Variants in LSAMP observed in about 807,000 individuals in gnomAD.
The protein encoded by LSAMP is limbic system-associated membrane protein.
A neutral mutation model predicts 38.6 loss-of-function variants in LSAMP; 7 were observed. The ratio of observed to expected loss-of-function variants is 0.18; its 90% confidence interval spans 0.10 to 0.34. The LOEUF is 0.34. Ranked by LOEUF, LSAMP falls within the 10% of genes least tolerant of loss-of-function variation. The pLI is 1.00. For missense variants in LSAMP, 313 were observed against 420.0 expected (o/e 0.75, Z 2.23); for synonymous variants, 154 against 166.8 (o/e 0.92, Z 0.59).
chr3:116,422,901 T>C (rs189698403), intron 1 of LSAMP, among the ~76,000 whole-genome samples: 25 of 152,340 alleles, frequency 1.6e-4, no homozygotes, highest in Admixed American at 1.6e-3. Flanking sequence ...AATCTGTTTA[T>C]TTTCAACTTT....
chr3:115,815,155 A>G (rs550259262), intron 6 of LSAMP, among the ~76,000 whole-genome samples: 16 of 152,228 alleles, frequency 1.1e-4, no homozygotes, highest in Non-Finnish European at 1.8e-4. Context: ...GAGAGAGAGA[A>G]AGAGAAAGAT....
intron 3 of LSAMP, among the ~76,000 whole-genome samples, chr3:115,914,283 C>T (rs1011691325): frequency 3.3e-5 from 5 of 152,184 alleles, no homozygotes; most frequent in Admixed American, 6.5e-5. Flanking sequence ...TCTTGCTAAG[C>T]CAGTTTAGAG....
At position 116,021,799 on chromosome 3, in the gene LSAMP, A is replaced by ATC. The variant is rs1420964896; in HGVS notation, c.389-2161_389-2160dup. ...CTACCTGTGGTGCAATTGACTCACA[A>ATC]TCTCTCTCTCTCGGTGTTTTTTTTT... On this transcript the variant is annotated intron_variant, in intron 2 of 6. Transcript: ENST00000490035. Among the ~76,000 whole-genome samples the ATC allele has an allele frequency of 4.1e-4, 62 of 151,838 alleles. No individual in the cohort carries two copies. In the East Asian group the frequency reaches 6.0e-3, roughly 15 times the overall value.
At chr3:116,026,614 C>G (rs1180621783) in intron 2 of LSAMP, among the ~76,000 whole-genome samples, 1 of 152,126 alleles carries the variant, frequency 6.6e-6, no homozygotes, top group Non-Finnish European at 1.5e-5. Context: ...GGGTACAAGA[C>G]CTAAGCTGGA....
chr3:116,154,780 G>A (rs1709702597), intron 1 of LSAMP, among the ~76,000 whole-genome samples: 1 of 152,030 alleles, frequency 6.6e-6, no homozygotes, highest in African/African-American at 2.4e-5. Flanking sequence ...AGCATTCTTT[G>A]AGGAATATGA....
chr3:116,207,341 G>A (rs150651494), intron 1 of LSAMP, among the ~76,000 whole-genome samples: 14,228 of 152,010 alleles, frequency 0.094, 935 homozygotes, highest in African/African-American at 0.19. Context: ...ACACTGATGG[G>A]TCTTGACTCT....
intron 3 of LSAMP, among the ~76,000 whole-genome samples, chr3:115,950,024 A>G (rs1011328789): frequency 2.0e-5 from 3 of 152,224 alleles, no homozygotes; most frequent in African/African-American, 7.2e-5. Context: ...AAAGCATTTG[A>G]CAAAATCCAG....
chr3:116,436,457 A>G (rs996281993), intron 1 of LSAMP, among the ~76,000 whole-genome samples: 4 of 152,238 alleles, frequency 2.6e-5, no homozygotes, highest in Non-Finnish European at 5.9e-5. Context: ...CATCTGACAA[A>G]GGACTGATAT....
At chr3:116,037,098 T>C (rs1941064450) in intron 2 of LSAMP, among the ~76,000 whole-genome samples, 2 of 152,164 alleles carry the variant, frequency 1.3e-5, no homozygotes, top group Non-Finnish European at 2.9e-5. Flanking sequence ...TTTCCCTTAC[T>C]GAAATACAAA....
chr3:115,810,285 G>A lies in LSAMP; in HGVS notation c.*32C>T. ...TATTCTGTGTGACGCATTTTTGTGT[G>A]TTTTTTAAATTATTTTTAAATTTTT... On this transcript the variant is annotated 3_prime_UTR_variant, in exon 7 of 7. Coordinates refer to ENST00000490035, the MANE Select transcript of LSAMP (RefSeq NM_002338.5). The A allele has an allele frequency of 7.0e-7, 1 of 1,436,906 alleles. No individual in the cohort carries two copies. Among genetic ancestry groups the A allele is most frequent in the East Asian group, 2.5e-5 (1 of 40,278 alleles). The allele number at this position is 1,436,906 out of a possible 1,614,324, so 89.0% of individuals were successfully genotyped here. A position where few individuals can be genotyped will look rare whatever the true frequency, so the allele number is the denominator to read the frequency against.
At chr3:116,082,700 G>C (rs1576352096) in intron 2 of LSAMP, among the ~76,000 whole-genome samples, 1 of 152,180 alleles carries the variant, frequency 6.6e-6, no homozygotes, top group Non-Finnish European at 1.5e-5. Flanking sequence ...GAAATATTAT[G>C]CAGCCATAAA....
At chr3:116,203,823 C>T (rs1280646031) in intron 1 of LSAMP, among the ~76,000 whole-genome samples, 1 of 151,986 alleles carries the variant, frequency 6.6e-6, no homozygotes, top group Non-Finnish European at 1.5e-5. Context: ...GCGTTGGTTC[C>T]AACTCTTTGC....
intron 6 of LSAMP, chr3:115,838,081 C>T (rs1269905229): frequency 1.3e-5 from 2 of 152,358 alleles, no homozygotes; most frequent in African/African-American, 4.8e-5. Context: ...ATCAAAACTC[C>T]TATGCTCATC....
At position 115,806,757 on chromosome 3, in the gene LSAMP, A is replaced by G. The variant is rs1389532109; in HGVS notation, c.*3560T>C. 6.6e-6 allele frequency: 1 copy of G among 152,222 alleles called. No homozygotes were observed. The highest frequency in any genetic ancestry group is 1.5e-5 in the Non-Finnish European group (1 of 68,032). The allele number at this position is 152,222 out of a possible 1,614,324, so 9.4% of individuals were successfully genotyped here. ...TGAGAGAAAACCCATCTGCTTTTCT[A>G]TAAGCCTTAGTTCTTTTAAGACATG... On this transcript the variant is annotated 3_prime_UTR_variant, in exon 7 of 7. Transcript: ENST00000490035.
At chr3:115,876,318 G>A (rs1936179616) in intron 3 of LSAMP, among the ~76,000 whole-genome samples, 1 of 139,086 alleles carries the variant, frequency 7.2e-6, no homozygotes, top group Non-Finnish European at 1.5e-5. Flanking sequence ...AATACCCTCA[G>A]TTTGCATAGG....
intron 3 of LSAMP, among the ~76,000 whole-genome samples, chr3:115,948,872 C>T (rs1938192112): frequency 6.6e-6 from 1 of 152,172 alleles, no homozygotes; most frequent in South Asian, 2.1e-4. Flanking sequence ...GTGGCTTACA[C>T]CTGTAATCCC....
At chr3:115,906,806 T>C (rs1937017855) in intron 3 of LSAMP, among the ~76,000 whole-genome samples, 1 of 152,150 alleles carries the variant, frequency 6.6e-6, no homozygotes, top group Non-Finnish European at 1.5e-5. Context: ...GGAAAAGATG[T>C]GGTCCACTAA....
intron 6 of LSAMP, among the ~76,000 whole-genome samples, chr3:115,833,849 T>G (rs867427592): frequency 4.6e-5 from 7 of 152,308 alleles, no homozygotes; most frequent in Non-Finnish European, 7.4e-5. Flanking sequence ...TTTTTTATAT[T>G]GTTTTAATTT....
chr3:116,429,781 T>G (rs1241998677), intron 1 of LSAMP, among the ~76,000 whole-genome samples: 1 of 152,120 alleles, frequency 6.6e-6, no homozygotes, highest in Non-Finnish European at 1.5e-5. Flanking sequence ...ACAGCCAATA[T>G]GAGACATGGA....
Sources: allele counts gnomAD v4.1 joint callset (sites outside exome capture counted in the v4.1 genomes callset), GRCh38; gene constraint gnomAD v4.1.1; transcripts MANE v1.5; gene names NCBI Gene and HGNC (gene_info 2026-07-23, HGNC 2026-07-21).